The following DOCK9 variants were observed in gnomAD, a reference collection of about 807,000 sequenced individuals.
DOCK9 encodes the protein dedicator of cytokinesis protein 9.
DOCK9 carries 89 observed loss-of-function variants against 263.3 expected under a neutral mutation model. The observed-to-expected ratio is 0.34, with a 90% CI of 0.28 to 0.40. The LOEUF (loss-of-function observed/expected upper bound fraction) is 0.40, where lower values mean the gene tolerates loss of function less well. Among genes scored for constraint, DOCK9 ranks in the 10% least tolerant of loss-of-function variants. The pLI is 1.00. For missense variants in DOCK9, 2,140 were observed against 2,603.4 expected, an observed-to-expected ratio of 0.82 and a Z score of 3.87; for synonymous variants, 976 against 973.1, an observed-to-expected ratio of 1.00 and a Z score of -0.06.
intron 1 of DOCK9, among the ~76,000 whole-genome samples, chr13:98,957,170 G>C (rs1334912475): frequency 2.0e-5 from 3 of 152,178 alleles, no homozygotes; most frequent in South Asian, 4.1e-4. Flanking sequence ...CTGAGGAAAG[G>C]ATGGAGCCTA....
intron 15 of DOCK9, among the ~76,000 whole-genome samples, chr13:98,896,996 C>G (rs1190139356): frequency 1.3e-5 from 2 of 152,166 alleles, no homozygotes; most frequent in Admixed American, 6.5e-5. Flanking sequence ...CCATGTGAGG[C>G]CAGAGGCAGA....
At position 98,824,400 on chromosome 13, in the gene DOCK9, C is replaced by T. The variant is rs2092436838; in HGVS notation, c.5128G>A (p.Glu1710Lys). The change falls in exon 45 of 53, where the codon GAG (glutamate) becomes AAG (lysine). Residue 1710 changes from glutamate (E) to lysine (K), a missense_variant and splice_region_variant. Physicochemically the swap from Glu to Lys is moderately conservative, Grantham distance 56. Coordinates refer to ENST00000682017, the MANE Select transcript of DOCK9 (RefSeq NM_001366683.2). ...DVGMQDVHFN[E>K]DVLMELLEQC... ...CCCACATGAGTTCAAGCACGCACCTCGTTGAAATGGACATCCTGCATCCCC... is the reference window on the plus strand; with the variant it reads ...CCCACATGAGTTCAAGCACGCACCTTGTTGAAATGGACATCCTGCATCCCC... The T allele has an allele frequency of 1.9e-6, 3 of 1,613,702 alleles. No homozygotes were observed. The highest frequency in any genetic ancestry group is 2.5e-6 in the Non-Finnish European group (3 of 1,179,692).
chr13:98,848,198 G>A (rs949110001), intron 37 of DOCK9, among the ~76,000 whole-genome samples: 1 of 152,170 alleles, frequency 6.6e-6, no homozygotes, highest in African/African-American at 2.4e-5. Flanking sequence ...GTAGTTGGGA[G>A]CAGGAACAGT....
chr13:99,030,589 A>G (rs74603559), intron 1 of DOCK9, among the ~76,000 whole-genome samples: 1,805 of 152,348 alleles, frequency 0.012, 28 homozygotes, highest in African/African-American at 0.041. Context: ...TAACATTTTT[A>G]AGTTGAGAAA....
At chr13:98,800,742 G>A (rs2090021615) in intron 49 of DOCK9, among the ~76,000 whole-genome samples, 1 of 151,998 alleles carries the variant, frequency 6.6e-6, no homozygotes, top group African/African-American at 2.4e-5. Context: ...AAATAAATGA[G>A]GTTATCATTC....
chr13:98,825,754 A>T lies in DOCK9; in HGVS notation c.5023+1076T>A. On this transcript the variant is annotated intron_variant, in intron 44 of 52. Transcript: ENST00000682017. This position sits in a 1 kb window ranked among gnomAD's most constrained non-coding sequence, Gnocchi z 4.1. ...CCAGCCAACCAGAGAGCCACAGAGT[A>T]GGAGGGAAGGAGAGTGAAGTCTGTC... is the stretch of plus-strand genomic sequence containing the variant. 1 of 613,350 alleles carries T rather than the reference A, an allele frequency of 1.6e-6. No homozygotes were observed. The highest frequency in any genetic ancestry group is 3.7e-5 in the South Asian group (1 of 26,986). The allele number at this position is 613,350 out of a possible 1,614,324, so 38.0% of individuals were successfully genotyped here.
intron 1 of DOCK9, among the ~76,000 whole-genome samples, chr13:98,974,748 C>CCA (rs2060062888): frequency 3.0e-5 from 1 of 33,206 alleles, no homozygotes; most frequent in Non-Finnish European, 5.6e-5. Flanking sequence ...AACTCTGTCT[C>CCA]AAAAAAAAAA....
intron 47 of DOCK9, chr13:98,808,594 G>A (rs1232246865): frequency 9.5e-6 from 13 of 1,365,862 alleles, no homozygotes; most frequent in Non-Finnish European, 1.3e-5. Context: ...TTTAGACGCA[G>A]TAATTTCACT....
intron 1 of DOCK9, among the ~76,000 whole-genome samples, chr13:99,079,225 T>C (rs139252881): frequency 1.3e-5 from 2 of 152,324 alleles, no homozygotes; most frequent in East Asian, 1.9e-4. Context: ...ACAGGGCAAA[T>C]ATTGTTTCTA....
intron 2 of DOCK9, 62 bp downstream of exon 2, chr13:98,955,373 A>G: frequency 8.7e-7 from 1 of 1,146,476 alleles, no homozygotes; most frequent in South Asian, 1.6e-5. Context: ...CAATACATAG[A>G]AAAATACTGC....
chr13:98,907,505 T>A (rs1287072380), intron 9 of DOCK9, among the ~76,000 whole-genome samples: 7 of 152,114 alleles, frequency 4.6e-5, no homozygotes, highest in African/African-American at 1.7e-4. Context: ...GAAAAACAAT[T>A]AACTACTAGC....
chr13:98,981,054 G>GTT (rs1291190944), upstream of DOCK9, among the ~76,000 whole-genome samples: 296 of 143,946 alleles, frequency 2.1e-3, 2 homozygotes, highest in African/African-American at 6.7e-3. Context: ...CAAGTAATTT[G>GTT]TTTTTTGTTT....
intron 27 of DOCK9, among the ~76,000 whole-genome samples, chr13:98,878,223 T>C (rs2044173246): frequency 6.6e-6 from 1 of 152,156 alleles, no homozygotes; most frequent in Non-Finnish European, 1.5e-5. Context: ...TGTTATAAAA[T>C]AAATTTCTAT....
At chr13:99,013,408 C>T (rs1566298199) in intron 1 of DOCK9, among the ~76,000 whole-genome samples, 1 of 152,232 alleles carries the variant, frequency 6.6e-6, no homozygotes. Context: ...AGCCACCACA[C>T]ACCTGGCCAT....
chr13:98,903,563 G>A (rs1264640030), intron 10 of DOCK9, among the ~76,000 whole-genome samples: 1 of 133,132 alleles, frequency 7.5e-6, no homozygotes, highest in Non-Finnish European at 1.5e-5. Flanking sequence ...TTGCACCACT[G>A]CACTCCAGCC....
intron 27 of DOCK9, among the ~76,000 whole-genome samples, chr13:98,873,687 C>T (rs2094249055): frequency 6.6e-6 from 1 of 152,190 alleles, no homozygotes; most frequent in Non-Finnish European, 1.5e-5. Context: ...GGAGGAGCAG[C>T]ACTCCAGGGG....
chr13:99,029,572 A>G (rs1887114990), intron 1 of DOCK9, among the ~76,000 whole-genome samples: 1 of 152,250 alleles, frequency 6.6e-6, no homozygotes, highest in African/African-American at 2.4e-5. Flanking sequence ...ATGAGCACAT[A>G]AAAAGATGTT....
intron 15 of DOCK9, among the ~76,000 whole-genome samples, chr13:98,895,765 A>T (rs2047338760): frequency 6.6e-6 from 1 of 152,214 alleles, no homozygotes; most frequent in African/African-American, 2.4e-5. Context: ...CAAAATTTCT[A>T]AAATGAACAT....
intron 1 of DOCK9, among the ~76,000 whole-genome samples, chr13:99,023,642 G>C (rs1264947339): frequency 6.6e-6 from 1 of 152,154 alleles, no homozygotes; most frequent in East Asian, 1.9e-4. Context: ...TTATGTTACA[G>C]GTATCTTTCC....
Sources: allele counts gnomAD v4.1 joint callset (sites outside exome capture counted in the v4.1 genomes callset), GRCh38; gene constraint gnomAD v4.1.1; non-coding constraint Gnocchi (gnomAD v3.1); transcripts MANE v1.5; gene names NCBI Gene and HGNC (gene_info 2026-07-23, HGNC 2026-07-21).